PAWR: variants seen among roughly 807,000 people sequenced by gnomAD.
PAWR encodes pro-apoptotic WT1 regulator, also known as PRKC apoptosis WT1 regulator protein.
A neutral mutation model predicts 32.0 loss-of-function variants in PAWR; 23 were observed. The observed-to-expected ratio is 0.72, with a 90% CI of 0.52 to 1.02. The LOEUF is 1.02. PAWR is among the 50% of genes least tolerant of loss of function. The pLI is 0.00. For synonymous variants in PAWR, 226 were observed against 187.1 expected (o/e 1.21, Z -1.70); for missense variants, 457 against 437.7 (o/e 1.04, Z -0.39).
intron 2 of PAWR, among the ~76,000 whole-genome samples, chr12:79,682,112 T>C (rs887545491): frequency 6.6e-6 from 1 of 152,198 alleles, no homozygotes; most frequent in Non-Finnish European, 1.5e-5. Flanking sequence ...TATATTATTA[T>C]GTTTATTTAT....
chr12:79,606,436 A>G (rs1874185088), intron 4 of PAWR, among the ~76,000 whole-genome samples: 1 of 152,214 alleles, frequency 6.6e-6, no homozygotes, highest in African/African-American at 2.4e-5. Flanking sequence ...AAATGACACC[A>G]AATACTATAA....
chr12:79,606,801 A>G (rs1471726465), intron 4 of PAWR, among the ~76,000 whole-genome samples: 1 of 152,186 alleles, frequency 6.6e-6, no homozygotes, highest in East Asian at 1.9e-4. Flanking sequence ...GTTTAATCAT[A>G]CAAGTCATTA....
At chr12:79,632,132 C>CAAAAAAAAAAAAAAAA (rs59152885) in intron 2 of PAWR, 10 of 50,910 alleles carry the variant, frequency 2.0e-4, no homozygotes, top group African/African-American at 5.2e-4. Context: ...GACTCTGTCT[C>CAAAAAAAAAAAAAAAA]AAAAAAAAAA....
At chr12:79,594,226 G>A in intron 6 of PAWR, 103 bp downstream of exon 6, 1 of 565,192 alleles carries the variant, frequency 1.8e-6, no homozygotes, top group Non-Finnish European at 3.1e-6. Context: ...ACTAACAAAA[G>A]AACAAAGTGA....
chr12:79,637,911 T>G (rs1876042573), intron 2 of PAWR, among the ~76,000 whole-genome samples: 1 of 152,298 alleles, frequency 6.6e-6, no homozygotes, highest in African/African-American at 2.4e-5. Context: ...ATTCAAATAG[T>G]TGTGGATATC....
At chr12:79,647,325 A>G (rs1876625815) in intron 2 of PAWR, among the ~76,000 whole-genome samples, 1 of 152,196 alleles carries the variant, frequency 6.6e-6, no homozygotes, top group African/African-American at 2.4e-5. Flanking sequence ...GATTCTGGAA[A>G]CTTTAAAAAA....
chr12:79,688,810 A>G (rs1878815839), intron 2 of PAWR, among the ~76,000 whole-genome samples: 1 of 152,216 alleles, frequency 6.6e-6, no homozygotes, highest in South Asian at 2.1e-4. Flanking sequence ...AAAAAGATGC[A>G]ACTATTTTAG....
intron 3 of PAWR, 138 bp from the exon 4 acceptor site, chr12:79,613,747 C>A (rs1349828730): frequency 1.6e-5 from 7 of 444,338 alleles, no homozygotes; most frequent in Non-Finnish European, 2.8e-5. Context: ...ATTCACACTG[C>A]TGGTCAAACA....
chr12:79,599,604 A>G (rs887379020), intron 4 of PAWR, among the ~76,000 whole-genome samples: 4 of 152,254 alleles, frequency 2.6e-5, no homozygotes, highest in African/African-American at 9.6e-5. Context: ...TGAAGCTGAA[A>G]AATAAATTGT....
At chr12:79,645,055 C>CACACACACAT (rs1213544508) in intron 2 of PAWR, among the ~76,000 whole-genome samples, 10 of 151,726 alleles carry the variant, frequency 6.6e-5, no homozygotes, top group African/African-American at 2.4e-4. Flanking sequence ...CACACACACA[C>CACACACACAT]ACACACACAC....
Position 79,597,375 on chromosome 12 carries a change from G to A in PAWR, c.684-717C>T, listed in dbSNP as rs1290182933. 3.3e-5 allele frequency among the ~76,000 whole-genome samples: 5 copies of A among 152,082 alleles called. No homozygotes were observed. The East Asian group carries it at 9.6e-4, about 29-fold the overall frequency. On this transcript the variant is annotated intron_variant, in intron 4 of 6. Coordinates refer to ENST00000328827, the MANE Select transcript of PAWR (RefSeq NM_002583.4). ...CATTGTGCCTGGCCTAGATCGCCCA[G>A]ACTATGTGTGGTGAAAAACCACTTT... is the stretch of plus-strand genomic sequence containing the variant.
chr12:79,589,107 G>A lies in PAWR; in HGVS notation c.*3500C>T, dbSNP rs1412077149. On this transcript the variant is annotated 3_prime_UTR_variant, in exon 7 of 7. Transcript: ENST00000328827. Reference sequence around the variant, plus strand: ...TATCATGAATAGTTATTAAGTAAGTGCCAGCACTACATGCAACTTACTGGT... The same window carrying A: ...TATCATGAATAGTTATTAAGTAAGTACCAGCACTACATGCAACTTACTGGT... The A allele has an allele frequency of 1.3e-5, 2 of 151,626 alleles. No individual in the cohort carries two copies. The highest frequency in any genetic ancestry group is 4.8e-5 in the African/African-American group (2 of 41,338). 9.4% of individuals were successfully genotyped at this position (151,626 alleles called of 1,614,324 possible). A position where few individuals can be genotyped will look rare whatever the true frequency, so the allele number is the denominator to read the frequency against.
chr12:79,689,622 G>A, intron 2 of PAWR, 107 bp downstream of exon 2: 1 of 1,249,532 alleles, frequency 8.0e-7, no homozygotes, highest in Non-Finnish European at 1.1e-6. Context: ...GGACAAGTAC[G>A]AGCCAGGGGA....
intron 4 of PAWR, among the ~76,000 whole-genome samples, chr12:79,598,986 C>T (rs1181693168): frequency 6.6e-6 from 1 of 152,192 alleles, no homozygotes; most frequent in Non-Finnish European, 1.5e-5. Context: ...CCACCTGCCC[C>T]GGCCTCCCAA....
intron 2 of PAWR, among the ~76,000 whole-genome samples, chr12:79,659,013 T>C (rs1352346035): frequency 6.6e-6 from 1 of 150,548 alleles, no homozygotes; most frequent in East Asian, 1.9e-4. Flanking sequence ...ACCACACACA[T>C]CTGGCTGGGC....
intron 2 of PAWR, among the ~76,000 whole-genome samples, chr12:79,677,473 AAAT>A (rs1333362008): frequency 6.6e-6 from 1 of 152,226 alleles, no homozygotes; most frequent in Non-Finnish European, 1.5e-5. Flanking sequence ...GCTTAAAATG[AAAT>A]AATAAGACAA....
rs564532909 is a variant in PAWR, at chr12:79,604,189, A to C, written c.684-7531T>G. On this transcript the variant is annotated intron_variant, in intron 4 of 6. Transcript: ENST00000328827. ...GTTCATTAACTCCAAAAAGTTTTTA[A>C]CATTTTACTTAGGAATGTTAACATA... 1.8e-5 allele frequency: 17 copies of C among 966,116 alleles called. No homozygotes were observed. The African/African-American group carries it at 3.0e-4, about 17-fold the overall frequency. 59.8% of individuals were successfully genotyped at this position (966,116 alleles called of 1,614,324 possible). A position where few individuals can be genotyped will look rare whatever the true frequency, so the allele number is the denominator to read the frequency against.
chr12:79,672,345 TAAGTTG>T (rs1345374804), intron 2 of PAWR, among the ~76,000 whole-genome samples: 1 of 152,222 alleles, frequency 6.6e-6, no homozygotes, highest in Non-Finnish European at 1.5e-5. Context: ...ACTTTTGCTT[TAAGTTG>T]AATACTTGAA....
At position 79,689,970 on chromosome 12, in the gene PAWR, G is replaced by A; in HGVS notation, c.275C>T (p.Ala92Val). The A allele has an allele frequency of 3.7e-6, 5 of 1,367,544 alleles. No individual in the cohort carries two copies. Among genetic ancestry groups the A allele is most frequent in the Non-Finnish European group, 3.7e-6 (4 of 1,067,870 alleles). 84.7% of individuals were successfully genotyped at this position (1,367,544 alleles called of 1,614,324 possible). ...CCGCGTCAGCATGGCGGAGCCGACC[G>A]CGCAGTTCACGCCCCCGGGACCGGG... is the stretch of plus-strand genomic sequence containing the variant. ...AVPGPGGVNC[A>V]VGSAMLTRAA... Residue 92 changes from alanine to valine, a missense_variant, in exon 2 of 7, where the codon GCG (alanine) becomes GTG (valine). Coordinates refer to ENST00000328827, the MANE Select transcript of PAWR (RefSeq NM_002583.4).
Sources: allele counts gnomAD v4.1 joint callset (sites outside exome capture counted in the v4.1 genomes callset), GRCh38; gene constraint gnomAD v4.1.1; transcripts MANE v1.5; gene names NCBI Gene and HGNC (gene_info 2026-07-23, HGNC 2026-07-21).